Variants in LINGO2 observed in about 807,000 individuals in gnomAD.
LINGO2 encodes the protein leucine-rich repeat and immunoglobulin-like domain-containing nogo receptor-interacting protein 2.
Under a neutral mutation model 30.6 loss-of-function variants are expected in LINGO2, and 14 were observed. The observed-to-expected ratio is 0.46, with a 90% CI of 0.30 to 0.72. The LOEUF (loss-of-function observed/expected upper bound fraction) is 0.72, where lower values mean the gene tolerates loss of function less well. LINGO2 is among the 30% of genes least tolerant of loss of function. The pLI is 0.07. For synonymous variants in LINGO2, 317 were observed against 288.5 expected (o/e 1.10, Z -1.00); for missense variants, 729 against 751.7 (o/e 0.97, Z 0.35).
chr9:28,630,867 T>G (rs1587988489), intron 1 of LINGO2, among the ~76,000 whole-genome samples: 1 of 150,604 alleles, frequency 6.6e-6, no homozygotes, highest in South Asian at 2.1e-4. Flanking sequence ...CAGCCTCTAT[T>G]CATAAGATCT....
At chr9:28,245,648 A>G (rs1821970147) in intron 4 of LINGO2, among the ~76,000 whole-genome samples, 1 of 152,146 alleles carries the variant, frequency 6.6e-6, no homozygotes, top group Non-Finnish European at 1.5e-5. Flanking sequence ...ATACAACAAC[A>G]ATAGACAAGC....
chr9:29,187,179 C>T, the LINGO2 span, among the ~76,000 whole-genome samples: 1 of 152,150 alleles, frequency 6.6e-6, no homozygotes, highest in African/African-American at 2.4e-5. Context: ...CCTTCACAAT[C>T]AATTCACTTT....
intron 1 of LINGO2, among the ~76,000 whole-genome samples, chr9:28,598,365 A>G (rs1825292251): frequency 1.3e-5 from 2 of 150,734 alleles, no homozygotes; most frequent in Admixed American, 1.3e-4. Flanking sequence ...ATGGAATTGT[A>G]TATCAATAAA....
chr9:28,402,810 C>T (rs147398941), intron 2 of LINGO2, among the ~76,000 whole-genome samples: 6 of 152,212 alleles, frequency 3.9e-5, no homozygotes, highest in African/African-American at 1.4e-4. Context: ...TCTCAGTGGA[C>T]CCCCTGCTTC....
At chr9:29,108,996 A>G in the LINGO2 span, among the ~76,000 whole-genome samples, 3 of 152,164 alleles carry the variant, frequency 2.0e-5, no homozygotes, top group Non-Finnish European at 4.4e-5. Flanking sequence ...AGCTAGAACC[A>G]TTTTGCTAAA....
At chr9:28,966,568 T>C in the LINGO2 span, among the ~76,000 whole-genome samples, 2 of 152,144 alleles carry the variant, frequency 1.3e-5, no homozygotes, top group East Asian at 3.9e-4. Flanking sequence ...ATTACTCCTA[T>C]CTTATGCATG....
chr9:28,808,553 C>T, the LINGO2 span, among the ~76,000 whole-genome samples: 1 of 152,154 alleles, frequency 6.6e-6, no homozygotes, highest in African/African-American at 2.4e-5. Context: ...TTGTTTCTCA[C>T]TGGACTTACA....
chr9:28,975,124 A>G, the LINGO2 span, among the ~76,000 whole-genome samples: 1 of 152,140 alleles, frequency 6.6e-6, no homozygotes, highest in Non-Finnish European at 1.5e-5. Flanking sequence ...GAATCACACC[A>G]AGGTGCAAGA....
At chr9:28,553,519 T>C (rs1239458946) in intron 1 of LINGO2, among the ~76,000 whole-genome samples, 5 of 152,094 alleles carry the variant, frequency 3.3e-5, no homozygotes. Flanking sequence ...AATCTACGTC[T>C]GATTGGTGTA....
chr9:29,037,268 T>G, the LINGO2 span, among the ~76,000 whole-genome samples: 1 of 151,878 alleles, frequency 6.6e-6, no homozygotes, highest in Non-Finnish European at 1.5e-5. Context: ...ATCAATAGCT[T>G]TACTAAGAGT....
At chr9:28,899,094 T>C in the LINGO2 span, among the ~76,000 whole-genome samples, 1 of 152,104 alleles carries the variant, frequency 6.6e-6, no homozygotes, top group Admixed American at 6.5e-5. Flanking sequence ...CAAAAACCAG[T>C]TAAGAGATTA....
Position 28,587,697 on chromosome 9 carries a change from C to T in LINGO2, c.-365+82503G>A, listed in dbSNP as rs117919798. ...AAACTGAGAAGGGGAGGAATAGATG[C>T]CACGTAGGCCAGGAGAGGGAATCTT... On this transcript the variant is annotated intron_variant, in intron 1 of 5. Coordinates refer to ENST00000379992, the Ensembl canonical transcript of LINGO2. Among the ~76,000 whole-genome samples the T allele has an allele frequency of 1.3e-3, 202 of 151,696 alleles. 2 individuals carry two copies. The East Asian group carries it at 0.029, about 22-fold the overall frequency.
intron 1 of LINGO2, among the ~76,000 whole-genome samples, chr9:28,606,195 TC>T (rs1825687912): frequency 6.6e-6 from 1 of 152,020 alleles, no homozygotes; most frequent in Admixed American, 6.6e-5. Context: ...ATAGGGACCA[TC>T]TTTTAAAGTT....
the LINGO2 span, among the ~76,000 whole-genome samples, chr9:28,798,204 G>A: frequency 6.6e-6 from 1 of 151,968 alleles, no homozygotes; most frequent in Non-Finnish European, 1.5e-5. Context: ...GACGATTTGG[G>A]CCAGACAGAC....
At chr9:28,210,671 G>C (rs566008795) in intron 4 of LINGO2, among the ~76,000 whole-genome samples, 2 of 151,788 alleles carry the variant, frequency 1.3e-5, no homozygotes, top group South Asian at 4.1e-4. Context: ...TGTAGACGCA[G>C]AGAGAGAAGA....
At chr9:28,678,601 T>A in the LINGO2 span, among the ~76,000 whole-genome samples, 1 of 152,124 alleles carries the variant, frequency 6.6e-6, no homozygotes, top group Admixed American at 6.6e-5. Context: ...AGTTTCCTTA[T>A]CTAGAAAATC....
chr9:28,787,973 C>A, the LINGO2 span, among the ~76,000 whole-genome samples: 2 of 152,142 alleles, frequency 1.3e-5, no homozygotes, highest in Non-Finnish European at 2.9e-5. Context: ...AATTCACTAA[C>A]CATCAGTACT....
In LINGO2 at chr9:28,133,228, A is replaced by G. The variant is rs181361192; in HGVS notation, c.-86-120823T>C. Among the ~76,000 whole-genome samples the G allele has an allele frequency of 3.8e-3, 581 of 152,334 alleles. 2 individuals are homozygous for G. The highest frequency in any genetic ancestry group is 0.024 in the Middle Eastern group (7 of 294). On this transcript the variant is annotated intron_variant, in intron 4 of 5. Transcript: ENST00000379992. ...AAAAAAAGAATATATTTTCCTGACT[A>G]TATTATTAAATAAGTACCAAATACA...
At chr9:28,931,106 T>A in the LINGO2 span, among the ~76,000 whole-genome samples, 1 of 152,216 alleles carries the variant, frequency 6.6e-6, no homozygotes, top group East Asian at 1.9e-4. Flanking sequence ...AAACTTGCCG[T>A]GGCAAATAAA....
Sources: allele counts gnomAD v4.1 joint callset (sites outside exome capture counted in the v4.1 genomes callset), GRCh38; gene constraint gnomAD v4.1.1; transcripts MANE v1.5; gene names NCBI Gene and HGNC (gene_info 2026-07-23, HGNC 2026-07-21).